The following CHD7 variants were observed in gnomAD, a reference collection of about 807,000 sequenced individuals.
CHD7 encodes the protein chromodomain helicase DNA binding protein 7, also known as ATP-dependent chromatin remodeler CHD7.
A neutral mutation model predicts 307.3 loss-of-function variants in CHD7; 24 were observed. The ratio of observed to expected loss-of-function variants is 0.08; its 90% CI spans 0.06 to 0.11. The LOEUF (loss-of-function observed/expected upper bound fraction) is 0.11, where lower values mean the gene tolerates loss of function less well. CHD7 is among the 10% of genes least tolerant of loss of function. CHD7 has a pLI of 1.00. For synonymous variants in CHD7, 1,363 were observed against 1,349.9 expected, an observed-to-expected ratio of 1.01 and a Z score of -0.21; for missense variants, 3,106 against 3,727.1, an observed-to-expected ratio of 0.83 and a Z score of 4.34.
At chr8:60,813,985 G>A (rs1353432681) in intron 7 of CHD7, among the ~76,000 whole-genome samples, 1 of 152,060 alleles carries the variant, frequency 6.6e-6, no homozygotes, top group East Asian at 1.9e-4. Flanking sequence ...TTTCCAAAGT[G>A]ACCATACACT....
chr8:60,716,829 G>A (rs1807627306), intron 1 of CHD7, among the ~76,000 whole-genome samples: 1 of 152,130 alleles, frequency 6.6e-6, no homozygotes, highest in Non-Finnish European at 1.5e-5. Flanking sequence ...AAATTATATG[G>A]GAGCTAATCA....
Position 60,848,495 on chromosome 8 carries a change from C to T in CHD7, c.5211-20C>T. ...GTCCTGAAGTTAAGAACTTTTTCCC[C>T]CCTCTGTCTTCCTCTCCAGGGTCCT... On this transcript the variant is annotated intron_variant, in intron 23 of 37. Coordinates refer to ENST00000423902, the MANE Select transcript of CHD7 (RefSeq NM_017780.4). 2 of 1,591,884 alleles carry T rather than the reference C, an allele frequency of 1.3e-6. No homozygotes were observed. The highest frequency in any genetic ancestry group is 1.7e-6 in the Non-Finnish European group (2 of 1,164,294).
intron 2 of CHD7, among the ~76,000 whole-genome samples, chr8:60,757,442 A>G (rs1305731265): frequency 2.6e-5 from 4 of 152,226 alleles, no homozygotes; most frequent in African/African-American, 7.2e-5. Flanking sequence ...GAATACATGC[A>G]TTAAAATGTG....
Position 60,741,341 on chromosome 8 carries a change from G to A in CHD7, c.-92G>A. 2 of 868,274 alleles carry A rather than the reference G, an allele frequency of 2.3e-6. No individual in the cohort carries two copies. Among genetic ancestry groups the A allele is most frequent in the Non-Finnish European group, 3.6e-6 (2 of 560,844 alleles). 53.8% of individuals were successfully genotyped at this position (868,274 alleles called of 1,614,324 possible). A position where few individuals can be genotyped will look rare whatever the true frequency, so the allele number is the denominator to read the frequency against. ...GAATGACATGAAGAAGATTAGTTAA[G>A]GATTATAGGCTTTGAGGGCAAACAC... On this transcript the variant is annotated 5_prime_UTR_variant, in exon 2 of 38. Transcript: ENST00000423902.
chr8:60,823,792 T>C (rs1259297552), intron 12 of CHD7, 48 bp from the exon 13 acceptor site: 1 of 1,468,372 alleles, frequency 6.8e-7, no homozygotes, highest in Non-Finnish European at 9.5e-7. Context: ...CTTAAAGTTA[T>C]TTATGTAACC....
rs1412405192 is a variant in CHD7, at chr8:60,817,758, C to A, written c.2613+1257C>A. 2.0e-5 allele frequency among the ~76,000 whole-genome samples: 3 copies of A among 152,074 alleles called. No homozygotes were observed. The East Asian group carries it at 5.8e-4, about 29-fold the overall frequency. On this transcript the variant is annotated intron_variant, in intron 8 of 37. Coordinates refer to ENST00000423902, the MANE Select transcript of CHD7 (RefSeq NM_017780.4). ...ATGCTGTGAGATTCTATTTTTCATG[C>A]CCTTCTTAATGAAACCAGAGTTAAA...
In CHD7 at chr8:60,727,008, A is replaced by G. The variant is rs1388978488; in HGVS notation, c.-174-14251A>G. 3.9e-5 allele frequency among the ~76,000 whole-genome samples: 6 copies of G among 152,162 alleles called. No homozygotes were observed. The East Asian group carries it at 9.6e-4, about 24-fold the overall frequency. ...GTTTAATTGTATATTTTATGTAGCA[A>G]ATGCTTACATAGTGCTTTCTAAGTG... On this transcript the variant is annotated intron_variant, in intron 1 of 37. Coordinates refer to ENST00000423902, the MANE Select transcript of CHD7 (RefSeq NM_017780.4).
chr8:60,777,964 A>G (rs1811029273), intron 2 of CHD7, among the ~76,000 whole-genome samples: 1 of 152,224 alleles, frequency 6.6e-6, no homozygotes, highest in African/African-American at 2.4e-5. Context: ...GAGAGGTTTT[A>G]GGAATGCCCT....
At chr8:60,723,447 C>G (rs547034390) in intron 1 of CHD7, among the ~76,000 whole-genome samples, 18 of 152,052 alleles carry the variant, frequency 1.2e-4, no homozygotes, top group Non-Finnish European at 2.1e-4. Flanking sequence ...TCCTCTACCT[C>G]GAATGGAATG....
chr8:60,745,528 G>A (rs6471897), intron 2 of CHD7, among the ~76,000 whole-genome samples: 112,989 of 152,080 alleles, frequency 0.74, 42,458 homozygotes, highest in East Asian at 0.93. Flanking sequence ...CTTTGAATGT[G>A]TCATTATAGG....
rs564005856 is a variant in CHD7 at position 60,763,494 on chromosome 8, T to C, written c.1666-17506T>C. 3.5e-4 allele frequency among the ~76,000 whole-genome samples: 53 copies of C among 152,178 alleles called. No individual in the cohort carries two copies. In the South Asian group the frequency reaches 0.011, roughly 32 times the overall value. On this transcript the variant is annotated intron_variant, in intron 2 of 37. Coordinates refer to ENST00000423902, the MANE Select transcript of CHD7 (RefSeq NM_017780.4). ...GTCAGGGGAGTAGAACTTTACAGGA[T>C]GACTGCCATGTCTCTTGCTTACTAG...
intron 2 of CHD7, among the ~76,000 whole-genome samples, chr8:60,763,467 C>T (rs973980490): frequency 2.6e-5 from 4 of 151,914 alleles, no homozygotes; most frequent in South Asian, 2.1e-4. Context: ...GGGTGGGGAG[C>T]GGTCAGGGGA....
At chr8:60,764,767 G>C (rs1048532704) in intron 2 of CHD7, among the ~76,000 whole-genome samples, 5 of 152,210 alleles carry the variant, frequency 3.3e-5, no homozygotes, top group African/African-American at 1.2e-4. Context: ...GATAAATGCA[G>C]ACTTGTATGG....
chr8:60,756,491 A>G (rs779355893), intron 2 of CHD7, among the ~76,000 whole-genome samples: 3 of 152,204 alleles, frequency 2.0e-5, no homozygotes, highest in African/African-American at 7.2e-5. Context: ...GTTAATCCCA[A>G]AAAAGTCCCT....
chr8:60,717,794 A>G (rs1316087667), intron 1 of CHD7, among the ~76,000 whole-genome samples: 1 of 152,202 alleles, frequency 6.6e-6, no homozygotes, highest in African/African-American at 2.4e-5. Context: ...GTTTGTGGTG[A>G]TGGTGGTATA....
intron 33 of CHD7, 121 bp downstream of exon 33, chr8:60,856,323 C>G: frequency 1.6e-6 from 2 of 1,244,560 alleles, no homozygotes; most frequent in Non-Finnish European, 2.2e-6. Flanking sequence ...TTCCTCAGCT[C>G]TGTGCACCAG....
chr8:60,754,831 A>G (rs753686939), intron 2 of CHD7, among the ~76,000 whole-genome samples: 1 of 152,190 alleles, frequency 6.6e-6, no homozygotes, highest in South Asian at 2.1e-4. Flanking sequence ...TATTCCCTCT[A>G]GCATGCAAGA....
chr8:60,740,036 C>T lies in CHD7; in HGVS notation c.-174-1223C>T, dbSNP rs1005435217. On this transcript the variant is annotated intron_variant, in intron 1 of 37. Transcript: ENST00000423902. The stretch of plus-strand genomic sequence containing the variant: ...TATATGAATTAGGTCTTTATTAGGC[C>T]GTTGATTTAATTAGTGTTCAACAAA... Among the ~76,000 whole-genome samples the T allele has an allele frequency of 1.4e-4, 22 of 152,132 alleles. 2 individuals carry two copies. The South Asian group carries it at 3.9e-3, about 27-fold the overall frequency.
chr8:60,790,085 A>G (rs943669991), intron 3 of CHD7, among the ~76,000 whole-genome samples: 1 of 152,256 alleles, frequency 6.6e-6, no homozygotes, highest in African/African-American at 2.4e-5. Context: ...GAGGAGGAGC[A>G]GTGGCCCTTC....
Sources: allele counts gnomAD v4.1 joint callset (sites outside exome capture counted in the v4.1 genomes callset), GRCh38; gene constraint gnomAD v4.1.1; transcripts MANE v1.5; gene names NCBI Gene and HGNC (gene_info 2026-07-23, HGNC 2026-07-21).